Variants in CNTNAP2 observed in about 807,000 individuals in gnomAD.
CNTNAP2 encodes contactin associated protein 2.
In CNTNAP2, 98 loss-of-function variants were observed where a neutral mutation model predicts 155.2. The ratio of observed to expected loss-of-function variants is 0.63; its 90% CI spans 0.54 to 0.75. CNTNAP2 has a LOEUF of 0.75. CNTNAP2 is among the 30% of genes least tolerant of loss of function. The pLI is 0.00. For synonymous variants in CNTNAP2, 651 were observed against 631.2 expected (o/e 1.03, Z -0.47); for missense variants, 1,727 against 1,688.1 (o/e 1.02, Z -0.40).
chr7:146,910,643 C>G (rs954183113), intron 3 of CNTNAP2, among the ~76,000 whole-genome samples: 2 of 150,360 alleles, frequency 1.3e-5, no homozygotes, highest in African/African-American at 5.0e-5. Flanking sequence ...ACACCTTATA[C>G]AAAAATCAAT....
intron 21 of CNTNAP2, among the ~76,000 whole-genome samples, chr7:148,325,636 GATTTATTT>G (rs1563042587): frequency 6.6e-6 from 1 of 152,172 alleles, no homozygotes; most frequent in Non-Finnish European, 1.5e-5. Flanking sequence ...CAAACCAATA[GATTTATTT>G]TTAGGTAGTA....
At chr7:147,988,601 AAC>A (rs1491041259) in intron 15 of CNTNAP2, among the ~76,000 whole-genome samples, 4 of 150,192 alleles carry the variant, frequency 2.7e-5, no homozygotes, top group African/African-American at 1.0e-4. Flanking sequence ...CTTAAAAAAA[AAC>A]AATCAGAGTT....
intron 18 of CNTNAP2, among the ~76,000 whole-genome samples, chr7:148,211,343 T>G (rs549668888): frequency 6.6e-6 from 1 of 152,258 alleles, no homozygotes; most frequent in South Asian, 2.1e-4. Context: ...TAAGCAAATA[T>G]TAAAGGGTTT....
chr7:146,209,030 A>G (rs953102958), intron 1 of CNTNAP2, among the ~76,000 whole-genome samples: 1 of 152,110 alleles, frequency 6.6e-6, no homozygotes, highest in Non-Finnish European at 1.5e-5. Context: ...CTGTGTGGAT[A>G]TAACAGCTCC....
Position 147,350,661 on chromosome 7 carries a change from C to T in CNTNAP2, c.1499-44948C>T, listed in dbSNP as rs75304101. 6.7e-3 allele frequency among the ~76,000 whole-genome samples: 1,019 copies of T among 151,870 alleles called. 8 individuals are homozygous for T. Among genetic ancestry groups the T allele is most frequent in the African/African-American group, 0.023 (964 of 41,508 alleles). On this transcript the variant is annotated intron_variant, in intron 9 of 23. Transcript: ENST00000361727. Reference sequence around the variant, plus strand: ...GTACATTAGTTTCTCCCCTTCAGTGCTGCCTTACAGTACCCTATTGTATAA... The same window carrying T: ...GTACATTAGTTTCTCCCCTTCAGTGTTGCCTTACAGTACCCTATTGTATAA...
intron 3 of CNTNAP2, among the ~76,000 whole-genome samples, chr7:146,908,801 C>A (rs1562996782): frequency 1.5e-5 from 2 of 134,668 alleles, no homozygotes; most frequent in Non-Finnish European, 1.7e-5. Flanking sequence ...TAACTAAAAT[C>A]AGAGCAGAAC....
intron 1 of CNTNAP2, among the ~76,000 whole-genome samples, chr7:146,149,549 A>T (rs1798005911): frequency 6.6e-6 from 1 of 152,104 alleles, no homozygotes; most frequent in Non-Finnish European, 1.5e-5. Flanking sequence ...TAGTGAGAGG[A>T]TAAACAAATA....
chr7:146,413,772 A>G (rs1258433667), intron 1 of CNTNAP2, among the ~76,000 whole-genome samples: 1 of 151,216 alleles, frequency 6.6e-6, no homozygotes, highest in East Asian at 1.9e-4. Flanking sequence ...AGTGGGGCAG[A>G]GAGAAGGGGG....
At chr7:146,205,844 T>G (rs1562989505) in intron 1 of CNTNAP2, among the ~76,000 whole-genome samples, 1 of 151,910 alleles carries the variant, frequency 6.6e-6, no homozygotes. Flanking sequence ...TAAGATTAAG[T>G]TTTGTATACA....
chr7:148,111,869 T>C (rs1315899147), intron 15 of CNTNAP2, among the ~76,000 whole-genome samples: 3 of 152,198 alleles, frequency 2.0e-5, no homozygotes, highest in African/African-American at 4.8e-5. Context: ...ATCTCTTTTC[T>C]CAAGGAGCTA....
chr7:147,664,800 C>T (rs764858807), intron 13 of CNTNAP2, among the ~76,000 whole-genome samples: 13 of 152,262 alleles, frequency 8.5e-5, no homozygotes, highest in African/African-American at 2.2e-4. Flanking sequence ...CCTCTTGCTA[C>T]GTGGCTAGAA....
intron 1 of CNTNAP2, among the ~76,000 whole-genome samples, chr7:146,201,406 A>G: frequency 6.6e-6 from 1 of 152,212 alleles, no homozygotes; most frequent in Non-Finnish European, 1.5e-5. Context: ...TTAAAATAAC[A>G]TTCAGAGATG....
intron 14 of CNTNAP2, among the ~76,000 whole-genome samples, chr7:147,949,235 A>G (rs1800877799): frequency 6.6e-6 from 1 of 151,860 alleles, no homozygotes; most frequent in Non-Finnish European, 1.5e-5. Context: ...GAAAATCATA[A>G]TGAAAAGAAA....
intron 21 of CNTNAP2, among the ~76,000 whole-genome samples, chr7:148,307,905 G>A (rs1252369070): frequency 6.6e-6 from 1 of 152,118 alleles, no homozygotes. Context: ...CCTGGGAGAT[G>A]GAGGTTGCAG....
At chr7:146,218,204 A>G (rs1008494436) in intron 1 of CNTNAP2, among the ~76,000 whole-genome samples, 17 of 152,156 alleles carry the variant, frequency 1.1e-4, no homozygotes, top group Non-Finnish European at 5.9e-5. Flanking sequence ...CCTTACCAAG[A>G]ACTTTTATTA....
chr7:146,944,582 A>G (rs1349587568), intron 3 of CNTNAP2, among the ~76,000 whole-genome samples: 2 of 152,152 alleles, frequency 1.3e-5, no homozygotes, highest in Non-Finnish European at 2.9e-5. Context: ...ATATGCATAG[A>G]AAAATCTTAA....
intron 13 of CNTNAP2, among the ~76,000 whole-genome samples, chr7:147,865,884 A>G (rs1482224989): frequency 2.0e-5 from 3 of 151,998 alleles, no homozygotes; most frequent in African/African-American, 7.3e-5. Context: ...TCCTGGTTTC[A>G]TTGATTTTTT....
chr7:146,503,325 G>A (rs1259308980), intron 1 of CNTNAP2, among the ~76,000 whole-genome samples: 1 of 152,160 alleles, frequency 6.6e-6, no homozygotes, highest in Non-Finnish European at 1.5e-5. Flanking sequence ...TGCAGCTCAG[G>A]ATGGCTTTGA....
intron 1 of CNTNAP2, among the ~76,000 whole-genome samples, chr7:146,372,989 T>C (rs1037331365): frequency 6.6e-6 from 1 of 151,980 alleles, no homozygotes; most frequent in Non-Finnish European, 1.5e-5. Flanking sequence ...TGTGAGGAGC[T>C]CTGGAGAAAG....
Sources: allele counts gnomAD v4.1 joint callset (sites outside exome capture counted in the v4.1 genomes callset), GRCh38; gene constraint gnomAD v4.1.1; transcripts MANE v1.5; gene names NCBI Gene and HGNC (gene_info 2026-07-23, HGNC 2026-07-21).